Variants in ATP8A1 observed in about 807,000 individuals in gnomAD.
The protein encoded by ATP8A1 is phospholipid-transporting ATPase IA.
A neutral mutation model predicts 177.7 loss-of-function variants in ATP8A1; 90 were observed. The observed-to-expected ratio is 0.51, with a 90% CI of 0.43 to 0.60. The LOEUF (loss-of-function observed/expected upper bound fraction) is 0.60, where lower values mean the gene tolerates loss of function less well. ATP8A1 is among the 20% of genes least tolerant of loss of function. The pLI is 0.00. For synonymous variants in ATP8A1, 493 were observed against 485.9 expected (o/e 1.01, Z -0.19); for missense variants, 1,072 against 1,392.8 (o/e 0.77, Z 3.67).
At chr4:42,624,658 A>G in intron 3 of ATP8A1, 24 bp from the exon 4 acceptor site, 5 of 1,239,672 alleles carry the variant, frequency 4.0e-6, no homozygotes, top group Non-Finnish European at 5.4e-6. Context: ...AAAAAAAAAG[A>G]GAAATCCAAT....
intron 14 of ATP8A1, among the ~76,000 whole-genome samples, chr4:42,572,722 A>C (rs908299774): frequency 6.6e-6 from 1 of 152,238 alleles, no homozygotes; most frequent in African/African-American, 2.4e-5. Context: ...CAAACAAATA[A>C]ACTTCTGTTT....
rs1468388809 is a variant in ATP8A1, at chr4:42,507,794, A to AC, written c.1948-641_1948-640insG. On this transcript the variant is annotated intron_variant, in intron 22 of 36. Transcript: ENST00000381668. Reference sequence around the variant, plus strand: ...GACAGGCATTCTAAAAAAAAAAAAAAAAAAAAAAAAAAAAACATACAAACA... The same window carrying AC: ...GACAGGCATTCTAAAAAAAAAAAAAACAAAAAAAAAAAAAAACATACAAACA... Among the ~76,000 whole-genome samples the AC allele has an allele frequency of 6.1e-3, 846 of 137,976 alleles. 22 individuals carry two copies. Among genetic ancestry groups the AC allele is most frequent in the African/African-American group, 0.021 (797 of 38,500 alleles). 90.5% of individuals were successfully genotyped at this position (137,976 alleles called of 152,430 possible).
intron 22 of ATP8A1, among the ~76,000 whole-genome samples, chr4:42,514,800 A>G (rs1725364303): frequency 6.6e-6 from 1 of 152,310 alleles, no homozygotes; most frequent in African/African-American, 2.4e-5. Context: ...TCCCTGAGCA[A>G]GTAACTTAAC....
intron 24 of ATP8A1, among the ~76,000 whole-genome samples, chr4:42,495,024 AT>A (rs1723122115): frequency 6.6e-6 from 1 of 152,214 alleles, no homozygotes; most frequent in African/African-American, 2.4e-5. Flanking sequence ...CTATAAATTA[AT>A]TTAAAATGTC....
At chr4:42,467,477 AG>A (rs1719899937) in intron 25 of ATP8A1, among the ~76,000 whole-genome samples, 1 of 152,094 alleles carries the variant, frequency 6.6e-6, no homozygotes, top group Non-Finnish European at 1.5e-5. Context: ...GCGGATCACG[AG>A]GTCAGGAGAT....
chr4:42,651,030 T>G (rs1741038970), intron 1 of ATP8A1, among the ~76,000 whole-genome samples: 2 of 152,176 alleles, frequency 1.3e-5, no homozygotes, highest in African/African-American at 4.8e-5. Flanking sequence ...GTCTTTCCCA[T>G]GCTGTTCTTG....
chr4:42,429,037 T>C (rs1251508300), intron 33 of ATP8A1, among the ~76,000 whole-genome samples: 2 of 152,146 alleles, frequency 1.3e-5, no homozygotes, highest in African/African-American at 2.4e-5. Flanking sequence ...CAATAAATAA[T>C]TGCTGGATAA....
At position 42,657,013 on chromosome 4, in the gene ATP8A1, CCG is replaced by C. The variant is rs1473891118; in HGVS notation, c.-142_-141del. On this transcript the variant is annotated 5_prime_UTR_variant, in exon 1 of 37. Coordinates refer to ENST00000381668, the MANE Select transcript of ATP8A1 (RefSeq NM_006095.2). ...CCGCCGCCCACCTAGGGCAGAGCTG[CCG>C]CCGGGCGCGGCCCCCGCACGCCGAC... is the stretch of plus-strand genomic sequence containing the variant. 2 of 851,822 alleles carry C rather than the reference CCG, an allele frequency of 2.3e-6. No individual in the cohort carries two copies. Among genetic ancestry groups the C allele is most frequent in the African/African-American group, 3.5e-5 (2 of 56,648 alleles). 52.8% of individuals were successfully genotyped at this position (851,822 alleles called of 1,614,324 possible). A position where few individuals can be genotyped will look rare whatever the true frequency, so the allele number is the denominator to read the frequency against.
rs1201280355 is a variant in ATP8A1 at position 42,581,815 on chromosome 4, CCATT to C, written c.723-87_723-84del. On this transcript the variant is annotated intron_variant, in intron 9 of 36. Transcript: ENST00000381668. The stretch of plus-strand genomic sequence containing the variant: ...AGTTACCATATAGTTACAAAAGTAC[CCATT>C]ATTAAAATAACCCTTCTCATATTTA... 3 of 969,308 alleles carry C rather than the reference CCATT, an allele frequency of 3.1e-6. No individual in the cohort carries two copies. The South Asian group carries it at 4.5e-5, about 14-fold the overall frequency. The allele number at this position is 969,308 out of a possible 1,614,324, so 60.0% of individuals were successfully genotyped here. A position where few individuals can be genotyped will look rare whatever the true frequency, so the allele number is the denominator to read the frequency against.
intron 2 of ATP8A1, 86 bp downstream of exon 2, chr4:42,626,909 T>C: frequency 1.0e-6 from 1 of 986,878 alleles, no homozygotes; most frequent in Non-Finnish European, 1.6e-6. Flanking sequence ...CTGACTGCAC[T>C]GAAAGCTCTT....
chr4:42,436,312 T>C (rs754583757), intron 33 of ATP8A1, among the ~76,000 whole-genome samples: 17 of 58,980 alleles, frequency 2.9e-4, no homozygotes, highest in Non-Finnish European at 4.9e-4. Flanking sequence ...TGGCACACAT[T>C]AGACGCTCGA....
chr4:42,528,406 T>G (rs986046933), intron 20 of ATP8A1, among the ~76,000 whole-genome samples: 1 of 152,130 alleles, frequency 6.6e-6, no homozygotes, highest in Non-Finnish European at 1.5e-5. Context: ...GCAGGGGTGG[T>G]GATTCCCACC....
intron 22 of ATP8A1, among the ~76,000 whole-genome samples, chr4:42,514,568 TCAAA>T (rs1369862355): frequency 6.6e-6 from 1 of 152,202 alleles, no homozygotes; most frequent in East Asian, 1.9e-4. Context: ...TAGCTGAGTC[TCAAA>T]CAGGCTGATG....
chr4:42,579,691 G>A, intron 11 of ATP8A1, 122 bp downstream of exon 11: 1 of 893,262 alleles, frequency 1.1e-6, no homozygotes, highest in South Asian at 1.7e-5. Context: ...AAGATCAAAT[G>A]TCCAGCTATC....
intron 20 of ATP8A1, among the ~76,000 whole-genome samples, chr4:42,529,689 A>G (rs1727066644): frequency 6.6e-6 from 1 of 152,210 alleles, no homozygotes; most frequent in Non-Finnish European, 1.5e-5. Context: ...CCTGGTTCAC[A>G]GATGGTTCTG....
intron 6 of ATP8A1, among the ~76,000 whole-genome samples, chr4:42,600,260 A>C (rs981504405): frequency 6.6e-6 from 1 of 152,214 alleles, no homozygotes; most frequent in African/African-American, 2.4e-5. Context: ...TATGAAAAAA[A>C]CAAAAAGTTC....
intron 5 of ATP8A1, among the ~76,000 whole-genome samples, chr4:42,600,791 C>G (rs1735169369): frequency 6.6e-6 from 1 of 151,978 alleles, no homozygotes; most frequent in Non-Finnish European, 1.5e-5. Flanking sequence ...AACTATGGGG[C>G]TCAGCTGGAG....
At chr4:42,628,558 G>A (rs1435279879) in intron 1 of ATP8A1, among the ~76,000 whole-genome samples, 5 of 152,136 alleles carry the variant, frequency 3.3e-5, no homozygotes, top group Admixed American at 6.5e-5. Context: ...TCACCCTGGA[G>A]GTCACATGGC....
At chr4:42,648,632 A>G (rs1740785628) in intron 1 of ATP8A1, among the ~76,000 whole-genome samples, 1 of 152,128 alleles carries the variant, frequency 6.6e-6, no homozygotes, top group African/African-American at 2.4e-5. Flanking sequence ...GAAAAATATG[A>G]CATTAAAGCA....
Sources: allele counts gnomAD v4.1 joint callset (sites outside exome capture counted in the v4.1 genomes callset), GRCh38; gene constraint gnomAD v4.1.1; transcripts MANE v1.5; gene names NCBI Gene and HGNC (gene_info 2026-07-23, HGNC 2026-07-21).